ADGRV1: variants seen among roughly 807,000 people sequenced by gnomAD.
ADGRV1 encodes the protein adhesion G protein-coupled receptor V1, also known as G-protein coupled receptor 98.
In ADGRV1, 359 loss-of-function variants were observed where a neutral mutation model predicts 596.2. The observed-to-expected ratio is 0.60, with a 90% CI of 0.55 to 0.66. The LOEUF is 0.66. ADGRV1 is among the 30% of genes least tolerant of loss of function. ADGRV1 has a pLI of 0.00. For missense variants in ADGRV1, 7,274 were observed against 7,575.6 expected, an observed-to-expected ratio of 0.96 and a Z score of 1.48; for synonymous variants, 2,681 against 2,679.2, an observed-to-expected ratio of 1.00 and a Z score of -0.02.
At chr5:91,104,850 CTTTT>C (rs1791706939) in intron 87 of ADGRV1, among the ~76,000 whole-genome samples, 1 of 116,390 alleles carries the variant, frequency 8.6e-6, no homozygotes, top group Non-Finnish European at 1.9e-5. Context: ...TCTTTTCTTT[CTTTT>C]CTTTTCTTTT....
At chr5:90,987,640 ATATAT>A (rs1238456399) in intron 85 of ADGRV1, among the ~76,000 whole-genome samples, 3 of 152,032 alleles carry the variant, frequency 2.0e-5, no homozygotes, top group Non-Finnish European at 4.4e-5. Context: ...TTATAAACTG[ATATAT>A]TATTTATACT....
intron 83 of ADGRV1, among the ~76,000 whole-genome samples, chr5:90,935,700 G>T (rs1775623804): frequency 6.6e-6 from 1 of 152,184 alleles, no homozygotes. Flanking sequence ...TCTGGTATGT[G>T]TTCAGCACAA....
intron 83 of ADGRV1, among the ~76,000 whole-genome samples, chr5:90,888,511 G>A (rs946749582): frequency 9.9e-5 from 15 of 152,048 alleles, no homozygotes; most frequent in African/African-American, 3.1e-4. Flanking sequence ...GGCAAAAGTT[G>A]GAATGATACA....
intron 83 of ADGRV1, among the ~76,000 whole-genome samples, chr5:90,917,632 T>C (rs1246981460): frequency 1.3e-5 from 2 of 152,194 alleles, no homozygotes. Flanking sequence ...AATTGAGAGA[T>C]AAGCTCTATT....
At chr5:90,880,943 A>T (rs768266454) in intron 83 of ADGRV1, among the ~76,000 whole-genome samples, 3 of 152,324 alleles carry the variant, frequency 2.0e-5, no homozygotes, top group South Asian at 2.1e-4. Flanking sequence ...ACTGCATTAC[A>T]GGATTCATGG....
chr5:91,002,394 A>G (rs149484641), intron 85 of ADGRV1, among the ~76,000 whole-genome samples: 5 of 152,290 alleles, frequency 3.3e-5, no homozygotes, highest in Admixed American at 6.5e-5. Flanking sequence ...CTTGTCTGCT[A>G]TGAAAGTGAT....
chr5:90,972,452 G>A (rs1434996896), intron 84 of ADGRV1, among the ~76,000 whole-genome samples: 1 of 152,152 alleles, frequency 6.6e-6, no homozygotes, highest in Non-Finnish European at 1.5e-5. Context: ...ATAGTTGGAA[G>A]TAAAGCACTC....
At chr5:90,946,446 T>C (rs930221635) in intron 83 of ADGRV1, among the ~76,000 whole-genome samples, 3 of 152,066 alleles carry the variant, frequency 2.0e-5, no homozygotes, top group African/African-American at 7.3e-5. Flanking sequence ...TACTTATTGG[T>C]TGGATTTTTT....
chr5:91,149,469 TGTTAA>T (rs1360873078), intron 87 of ADGRV1, among the ~76,000 whole-genome samples: 1 of 152,122 alleles, frequency 6.6e-6, no homozygotes, highest in Non-Finnish European at 1.5e-5. Context: ...TCCACCATGA[TGTTAA>T]GTTTCTTGAG....
intron 20 of ADGRV1, chr5:90,655,332 A>G (rs958562888): frequency 2.0e-5 from 3 of 152,146 alleles, no homozygotes; most frequent in African/African-American, 7.2e-5. Flanking sequence ...TTTGCTCAGT[A>G]TTGTTTGTGA....
Position 90,725,533 on chromosome 5 carries a change from C to A in ADGRV1, c.10054-16C>A. On this transcript the variant is annotated splice_polypyrimidine_tract_variant and intron_variant, in intron 47 of 89. Transcript: ENST00000405460. ...CAACTCTCCTTTAAGTTTTCATTCC[C>A]ACTCTGTCCTTGCAGGTACAAACAA... 1 of 1,295,004 alleles carries A rather than the reference C, an allele frequency of 7.7e-7. No homozygotes were observed. The highest frequency in any genetic ancestry group is 1.1e-6 in the Non-Finnish European group (1 of 891,038). 80.2% of individuals were successfully genotyped at this position (1,295,004 alleles called of 1,614,324 possible). A position where few individuals can be genotyped will look rare whatever the true frequency, so the allele number is the denominator to read the frequency against.
chr5:91,162,580 A>C (rs1797047454), intron 89 of ADGRV1, among the ~76,000 whole-genome samples: 1 of 152,162 alleles, frequency 6.6e-6, no homozygotes, highest in African/African-American at 2.4e-5. Context: ...GTGTATGAGA[A>C]AGCAGAATAG....
chr5:90,963,038 T>A (rs1486672028), intron 83 of ADGRV1, among the ~76,000 whole-genome samples: 1 of 152,200 alleles, frequency 6.6e-6, no homozygotes, highest in Non-Finnish European at 1.5e-5. Flanking sequence ...TAATTTGGAT[T>A]ACACTATTCT....
chr5:90,670,639 G>A (rs1772323279), intron 21 of ADGRV1, among the ~76,000 whole-genome samples: 1 of 152,138 alleles, frequency 6.6e-6, no homozygotes, highest in Non-Finnish European at 1.5e-5. Flanking sequence ...CATGATGGTA[G>A]GGATGGAGGT....
At position 90,689,989 on chromosome 5, in the gene ADGRV1, A is replaced by T. The variant is rs1277027264; in HGVS notation, c.6619A>T (p.Asn2207Tyr). Reference protein sequence around the residue: ...LEESFLVQLMNETTGGARLGA... With the variant: ...LEESFLVQLMYETTGGARLGA... ...AGAATCTTTTCTTGTGCAACTGATG[A>T]ATGAAACAACAGGAGGAGCCAGACT... is the stretch of plus-strand genomic sequence containing the variant. Residue 2207 changes from asparagine to tyrosine, a missense_variant, in exon 30 of 90, where the codon AAT (asparagine) becomes TAT (tyrosine). This residue lies in a region of ADGRV1 where 3,643 missense variants were observed against 3,809.2 expected (regional missense o/e 0.96). Coordinates refer to ENST00000405460, the MANE Select transcript of ADGRV1 (RefSeq NM_032119.4). 1 of 1,608,222 alleles carries T rather than the reference A, an allele frequency of 6.2e-7. No homozygotes were observed. The highest frequency in any genetic ancestry group is 1.3e-5 in the African/African-American group (1 of 74,876).
chr5:90,811,388 T>A, intron 74 of ADGRV1, 50 bp downstream of exon 74: 1 of 1,464,304 alleles, frequency 6.8e-7, no homozygotes, highest in Admixed American at 2.4e-5. Context: ...TGGTACATAA[T>A]TTGTATTAAG....
At chr5:90,929,919 A>C (rs1397863546) in intron 83 of ADGRV1, among the ~76,000 whole-genome samples, 1 of 152,252 alleles carries the variant, frequency 6.6e-6, no homozygotes, top group East Asian at 1.9e-4. Flanking sequence ...ATTTTTAAGA[A>C]AAGTTTCCAT....
intron 85 of ADGRV1, among the ~76,000 whole-genome samples, chr5:91,007,891 T>G (rs1359896203): frequency 6.6e-6 from 1 of 152,184 alleles, no homozygotes; most frequent in African/African-American, 2.4e-5. Flanking sequence ...TAGTATTATT[T>G]CCTATTTTGC....
At chr5:90,578,555 A>T (rs1350149802) in intron 1 of ADGRV1, among the ~76,000 whole-genome samples, 1 of 152,096 alleles carries the variant, frequency 6.6e-6, no homozygotes, top group African/African-American at 2.4e-5. Flanking sequence ...TTCATCAGGG[A>T]TATTGGTCTA....
Sources: gnomAD v4.1 joint callset for allele counts (sites outside exome capture counted in the v4.1 genomes callset) on GRCh38, gnomAD v4.1.1 for gene constraint, gnomAD v4.1.1 regional missense constraint, MANE v1.5 for transcripts, NCBI Gene and HGNC (gene_info 2026-07-23, HGNC 2026-07-21) for gene names.